The following INTS8 variants were observed in gnomAD, a reference collection of about 807,000 sequenced individuals.
INTS8 encodes the protein integrator complex subunit 8, also known as protein kaonashi-1.
Under a neutral mutation model 138.9 loss-of-function variants are expected in INTS8, and 47 were observed. The observed-to-expected ratio is 0.34, with a 90% CI of 0.27 to 0.43. The LOEUF is 0.43. Ranked by LOEUF, INTS8 falls within the 20% of genes least tolerant of loss-of-function variation. The pLI is 1.00. For missense variants in INTS8, 996 were observed against 1,173.0 expected (o/e 0.85, Z 2.20); for synonymous variants, 392 against 400.9 (o/e 0.98, Z 0.27).
chr8:94,878,879 G>C (rs184012913), intron 26 of INTS8, among the ~76,000 whole-genome samples: 1 of 152,094 alleles, frequency 6.6e-6, no homozygotes, highest in East Asian at 1.9e-4. Context: ...ATTTTTATTG[G>C]ATTACTTTCT....
chr8:94,874,282 A>G (rs1816502028), intron 22 of INTS8, among the ~76,000 whole-genome samples: 1 of 151,236 alleles, frequency 6.6e-6, no homozygotes, highest in Non-Finnish European at 1.5e-5. Flanking sequence ...ATTTCCTCTG[A>G]TGTAGGCTAC....
At chr8:94,826,995 C>T (rs1350070484) in intron 2 of INTS8, among the ~76,000 whole-genome samples, 10 of 152,016 alleles carry the variant, frequency 6.6e-5, no homozygotes. Context: ...ATCCCAGCTA[C>T]TCAGGAGGCT....
chr8:94,847,744 T>A (rs988697914), intron 10 of INTS8, among the ~76,000 whole-genome samples: 1 of 152,114 alleles, frequency 6.6e-6, no homozygotes, highest in African/African-American at 2.4e-5. Context: ...ACATGATCTG[T>A]TAGGTTTGCT....
intron 14 of INTS8, among the ~76,000 whole-genome samples, chr8:94,856,272 G>A (rs1815742026): frequency 6.6e-6 from 1 of 152,188 alleles, no homozygotes. Context: ...GGGAGTGAAT[G>A]AAATATGTGG....
chr8:94,864,481 A>T lies in INTS8; in HGVS notation c.2077-1025A>T, dbSNP rs954732490. ...TCAGCACTTTGGGAGGCCGAGGCGG[A>T]TAGATCACTTGAGGCCAGGAGTTCG... On this transcript the variant is annotated intron_variant, in intron 16 of 26. Coordinates refer to ENST00000523731, the MANE Select transcript of INTS8 (RefSeq NM_017864.4). Among the ~76,000 whole-genome samples the T allele has an allele frequency of 1.5e-4, 23 of 152,228 alleles. No individual in the cohort carries two copies. The East Asian group carries it at 4.5e-3, about 29-fold the overall frequency.
intron 6 of INTS8, among the ~76,000 whole-genome samples, chr8:94,834,831 C>G (rs1260170111): frequency 1.3e-5 from 2 of 152,072 alleles, no homozygotes; most frequent in East Asian, 3.8e-4. Flanking sequence ...TAAAGCATAT[C>G]AGTGAAGAGT....
intron 12 of INTS8, 49 bp from the exon 13 acceptor site, chr8:94,851,504 C>T (rs941937398): frequency 1.6e-6 from 2 of 1,277,296 alleles, no homozygotes; most frequent in African/African-American, 3.1e-5. Flanking sequence ...AATTGTTATT[C>T]TCGTGTATAT....
At position 94,867,295 on chromosome 8, in the gene INTS8, T is replaced by C. The variant is rs1816214871; in HGVS notation, c.2372T>C (p.Ile791Thr). The change falls in exon 20 of 27, where the codon ATT becomes ACT. Residue 791 changes from isoleucine to threonine, a missense_variant. Transcript: ENST00000523731. ...TTAAAGGAGGACATTGTGAATGATA[T>C]TACAGCTGAACACATTTCTATTTGG... ...HNVREDIVND[I>T]TAEHISIWPS... 4 of 1,612,306 alleles carry C rather than the reference T, an allele frequency of 2.5e-6. No homozygotes were observed. The highest frequency in any genetic ancestry group is 2.2e-5 in the South Asian group (2 of 90,530).
chr8:94,879,702 A>T (rs2131087293), intron 26 of INTS8: 1 of 151,648 alleles, frequency 6.6e-6, no homozygotes, highest in South Asian at 2.1e-4. Context: ...GTGTATATTT[A>T]GTTGGTTGAG....
At chr8:94,868,744 C>T (rs545000661) in intron 20 of INTS8, 4 of 151,866 alleles carry the variant, frequency 2.6e-5, no homozygotes, top group Non-Finnish European at 4.4e-5. Flanking sequence ...GGTCTCAGCT[C>T]ACTGCAACCT....
Position 94,872,673 on chromosome 8 carries a change from T to C in INTS8, c.2533+671T>C, listed in dbSNP as rs545219812. ...GATAGATCCTAACTCTCCCCATTAC[T>C]CCTCTGCTGGGTTATATGTGATAAG... On this transcript the variant is annotated intron_variant, in intron 21 of 26. Coordinates refer to ENST00000523731, the MANE Select transcript of INTS8 (RefSeq NM_017864.4). 3.0e-4 allele frequency among the ~76,000 whole-genome samples: 45 copies of C among 152,332 alleles called. No homozygotes were observed. In the South Asian group the frequency reaches 8.9e-3, roughly 30 times the overall value.
At chr8:94,834,861 G>A (rs1013439009) in intron 6 of INTS8, among the ~76,000 whole-genome samples, 21 of 152,284 alleles carry the variant, frequency 1.4e-4, no homozygotes, top group African/African-American at 4.1e-4. Context: ...ATGAATACCA[G>A]GCATGATTAT....
At chr8:94,872,871 A>G (rs1816446201) in intron 21 of INTS8, among the ~76,000 whole-genome samples, 1 of 152,192 alleles carries the variant, frequency 6.6e-6, no homozygotes, top group Non-Finnish European at 1.5e-5. Context: ...GGGAAAGTTC[A>G]AGATATGAAG....
chr8:94,846,450 A>T (rs542756147), intron 10 of INTS8, among the ~76,000 whole-genome samples: 211 of 151,828 alleles, frequency 1.4e-3, no homozygotes, highest in African/African-American at 4.9e-3. Flanking sequence ...AATTTTGTAT[A>T]TTTCGTAGAG....
intron 2 of INTS8, among the ~76,000 whole-genome samples, chr8:94,825,441 A>T (rs1302901930): frequency 5.3e-4 from 78 of 148,104 alleles, no homozygotes; most frequent in Admixed American, 2.5e-3. Flanking sequence ...AAAAAAAAAA[A>T]TAATAAAATA....
chr8:94,877,286 A>G (rs540848844), intron 26 of INTS8, among the ~76,000 whole-genome samples: 1 of 152,196 alleles, frequency 6.6e-6, no homozygotes, highest in South Asian at 2.1e-4. Context: ...TTGCTCTTTC[A>G]CTTATATTAA....
intron 10 of INTS8, 114 bp downstream of exon 10, chr8:94,842,602 C>T (rs1471880717): frequency 1.1e-5 from 9 of 793,644 alleles, no homozygotes; most frequent in Non-Finnish European, 1.6e-5. Flanking sequence ...GTTTCTGTGC[C>T]TGACAATTGG....
At chr8:94,848,011 T>C (rs1320524076) in intron 10 of INTS8, among the ~76,000 whole-genome samples, 1 of 148,988 alleles carries the variant, frequency 6.7e-6, no homozygotes, top group Non-Finnish European at 1.5e-5. Context: ...TTTAAAACAC[T>C]GCTTTTTTTT....
At chr8:94,860,579 CAAAAAAA>C (rs58945163) in intron 16 of INTS8, among the ~76,000 whole-genome samples, 6 of 39,458 alleles carry the variant, frequency 1.5e-4, no homozygotes, top group African/African-American at 3.0e-4. Flanking sequence ...AACTCTACCT[CAAAAAAA>C]AAAAAAAAAA....
Sources: allele counts gnomAD v4.1 joint callset (sites outside exome capture counted in the v4.1 genomes callset), GRCh38; gene constraint gnomAD v4.1.1; transcripts MANE v1.5; gene names NCBI Gene and HGNC (gene_info 2026-07-23, HGNC 2026-07-21).